Variants in SLC6A18 observed in about 807,000 individuals in gnomAD.
SLC6A18 encodes solute carrier family 6 member 18, also known as inactive sodium-dependent neutral amino acid transporter B(0)AT3.
In SLC6A18, 58 loss-of-function variants were observed where a neutral mutation model predicts 62.9. That is an observed-to-expected ratio of 0.92 (90% confidence interval 0.75 to 1.15). The LOEUF is 1.15. SLC6A18 is among the 50% of genes most tolerant of loss of function. The pLI is 0.00. For missense variants in SLC6A18, 793 were observed against 836.6 expected (o/e 0.95, Z 0.64); for synonymous variants, 382 against 365.8 (o/e 1.04, Z -0.51).
In SLC6A18 at chr5:1,246,066, G is replaced by A. The variant is rs776998937; in HGVS notation, c.1875G>A (p.Thr625=). The change falls in exon 12 of 12, where the codon ACG becomes ACA. Residue 625 remains threonine, a synonymous_variant. Coordinates refer to ENST00000324642, the MANE Select transcript of SLC6A18 (RefSeq NM_182632.3). ...TRPDTDMRPD[T]DMR is the part of the protein sequence containing the mutation. The stretch of plus-strand genomic sequence containing the variant: ...CAGACACGGACATGCGCCCGGACAC[G>A]GACATGCGCTGAAGCCGGCCGGAGC... The A allele has an allele frequency of 9.5e-6, 15 of 1,584,168 alleles. No individual in the cohort carries two copies. The African/African-American group carries it at 1.1e-4, about 11-fold the overall frequency.
In SLC6A18 at chr5:1,243,791, C is replaced by G. The variant is rs979972205; in HGVS notation, c.1336+32C>G. The G allele has an allele frequency of 1.9e-6, 3 of 1,551,478 alleles. No homozygotes were observed. The highest frequency in any genetic ancestry group is 1.8e-5 in the Admixed American group (1 of 55,944). On this transcript the variant is annotated intron_variant, in intron 9 of 11. Coordinates refer to ENST00000324642, the MANE Select transcript of SLC6A18 (RefSeq NM_182632.3). The surrounding 1 kb of genome is among the most constrained non-coding windows in gnomAD (Gnocchi z 6.5). Reference sequence around the variant, plus strand: ...GCACAGCTCCGCCGCCCTGGAGGACCCGTCCCCAGCATCTGACTGTCCACT... The same window carrying G: ...GCACAGCTCCGCCGCCCTGGAGGACGCGTCCCCAGCATCTGACTGTCCACT...
intron 11 of SLC6A18, 127 bp from the exon 12 acceptor site, chr5:1,245,721 G>A: frequency 3.9e-6 from 4 of 1,038,254 alleles, no homozygotes; most frequent in Non-Finnish European, 5.5e-6. Context: ...TGCTCTGGCC[G>A]TGCCTTTTCC....
At chr5:1,228,051 C>T (rs114674839) in intron 1 of SLC6A18, among the ~76,000 whole-genome samples, 5,047 of 152,268 alleles carry the variant, frequency 0.033, 126 homozygotes, top group South Asian at 0.078. Context: ...GATTCTTGCA[C>T]CAAAAACGAC....
At chr5:1,237,808 C>T in intron 4 of SLC6A18, 142 bp from the exon 5 acceptor site, 3 of 646,742 alleles carry the variant, frequency 4.6e-6, no homozygotes, top group Non-Finnish European at 5.5e-6. Context: ...CCAAGGTGCA[C>T]CCCCATCCGT....
chr5:1,236,116 C>T (rs2126534143), intron 4 of SLC6A18, among the ~76,000 whole-genome samples: 1 of 145,222 alleles, frequency 6.9e-6, no homozygotes, highest in Non-Finnish European at 1.5e-5. Flanking sequence ...AGATGTGTTT[C>T]CATGTGCCCC....
At chr5:1,244,396 G>A in intron 10 of SLC6A18, 23 bp downstream of exon 10, 1 of 1,613,320 alleles carries the variant, frequency 6.2e-7, no homozygotes. Context: ...CCCGCCGAGT[G>A]CTCCTCTGGG....
At chr5:1,244,855 C>T (rs1579535586) in intron 11 of SLC6A18, 88 bp downstream of exon 11, 1 of 1,422,354 alleles carries the variant, frequency 7.0e-7, no homozygotes, top group East Asian at 2.3e-5. Context: ...CCCGACGACC[C>T]ATGCGGTGCA....
chr5:1,244,112 C>T (rs957488882), intron 9 of SLC6A18, 102 bp from the exon 10 acceptor site: 34 of 1,028,924 alleles, frequency 3.3e-5, no homozygotes, highest in African/African-American at 4.8e-5. Context: ...TGGCCCTCCC[C>T]GCTGTCCGAG....
chr5:1,226,781 C>T (rs1000708887), intron 1 of SLC6A18, among the ~76,000 whole-genome samples: 3 of 152,132 alleles, frequency 2.0e-5, no homozygotes, highest in Non-Finnish European at 4.4e-5. Context: ...CCCTGGCTCC[C>T]GGGGCCCTCG....
rs750271983 is a variant in SLC6A18, at chr5:1,235,624, T to C, written c.583T>C (p.Tyr195His). 3 of 1,614,012 alleles carry C rather than the reference T, an allele frequency of 1.9e-6. No homozygotes were observed. Among genetic ancestry groups the C allele is most frequent in the Non-Finnish European group, 2.5e-6 (3 of 1,180,022 alleles). The change falls in exon 4 of 12, where the codon TAC becomes CAC. Residue 195 changes from tyrosine to histidine, a missense_variant. Coordinates refer to ENST00000324642, the MANE Select transcript of SLC6A18 (RefSeq NM_182632.3). ...CTTGGCAGCCTCCTGGGCAGTCGTG[T>C]ACATGTGTGTCATCAGGGGCATTGA... is the stretch of plus-strand genomic sequence containing the variant. ...ICLAASWAVV[Y>H]MCVIRGIETT...
rs1255682582 is a variant in SLC6A18, at chr5:1,241,158, C to A, written c.974+499C>A. Reference sequence around the variant, plus strand: ...GTGGTTTTGAGGCACCATTGCTGGTCGTTTGCTGCGGTGGTCCCAGGACCT... The same window carrying A: ...GTGGTTTTGAGGCACCATTGCTGGTAGTTTGCTGCGGTGGTCCCAGGACCT... On this transcript the variant is annotated intron_variant, in intron 7 of 11. Coordinates refer to ENST00000324642, the MANE Select transcript of SLC6A18 (RefSeq NM_182632.3). The surrounding 1 kb of genome is among the most constrained non-coding windows in gnomAD (Gnocchi z 7.8). Among the ~76,000 whole-genome samples, 2 of 152,138 alleles carry A rather than the reference C, an allele frequency of 1.3e-5. No individual in the cohort carries two copies. The highest frequency in any genetic ancestry group is 3.8e-4 in the East Asian group (2 of 5,196).
In SLC6A18 at chr5:1,232,815, G is replaced by C. The variant is rs1746767781; in HGVS notation, c.366G>C (p.Val122=). The C allele has an allele frequency of 1.2e-6, 2 of 1,613,344 alleles. No individual in the cohort carries two copies. Among genetic ancestry groups the C allele is most frequent in the Non-Finnish European group, 1.7e-6 (2 of 1,180,004 alleles). The change falls in exon 3 of 12, where the codon GTG becomes GTC. Residue 122 remains valine, a synonymous_variant. Transcript: ENST00000324642. ...ACTACAACACCATCGTGGCGTGGGTGCTGTGGTACCTCCTCAACTCCTTCC... is the reference window on the plus strand; with the variant it reads ...ACTACAACACCATCGTGGCGTGGGTCCTGTGGTACCTCCTCAACTCCTTCC... The part of the protein sequence containing the change: ...SLYYNTIVAW[V]LWYLLNSFQH...
rs750684936 is a variant in SLC6A18 at position 1,246,041 on chromosome 5, C to CGG, written c.1850_1851insGG (p.Asp618GlufsTer?). 1.6e-4 allele frequency: 256 copies of CGG among 1,591,854 alleles called. 2 individuals carry two copies. The highest frequency in any genetic ancestry group is 1.3e-3 in the South Asian group (119 of 89,518). On this transcript the variant is annotated frameshift_variant, in exon 12 of 12. Coordinates refer to ENST00000324642, the MANE Select transcript of SLC6A18 (RefSeq NM_182632.3). LOFTEE classifies it high-confidence loss of function. ...ATGCGCCCGGACACGGACACGCGCC[C>CGG]AGACACGGACATGCGCCCGGACACG...
intron 5 of SLC6A18, among the ~76,000 whole-genome samples, chr5:1,238,311 A>AGGT: frequency 7.5e-6 from 1 of 132,618 alleles, no homozygotes. Context: ...TGGAGGACTC[A>AGGT]GGAAAGACAT....
At chr5:1,245,517 A>G (rs1221813263) in intron 11 of SLC6A18, among the ~76,000 whole-genome samples, 1 of 152,152 alleles carries the variant, frequency 6.6e-6, no homozygotes, top group Non-Finnish European at 1.5e-5. Context: ...GGTGCCACCC[A>G]GTGTATAGGG....
intron 3 of SLC6A18, among the ~76,000 whole-genome samples, chr5:1,234,173 T>C (rs1746825642): frequency 1.3e-5 from 2 of 152,362 alleles, no homozygotes; most frequent in South Asian, 2.1e-4. Flanking sequence ...TGTGAGCCAC[T>C]GCACTCAACT....
chr5:1,225,960 C>T (rs1356320040), intron 1 of SLC6A18, among the ~76,000 whole-genome samples: 3 of 152,222 alleles, frequency 2.0e-5, no homozygotes, highest in Non-Finnish European at 4.4e-5. Flanking sequence ...ACACACCCTA[C>T]AAACAGTGAG....
Position 1,241,049 on chromosome 5 carries a change from C to T in SLC6A18, c.974+390C>T, listed in dbSNP as rs1021691108. On this transcript the variant is annotated intron_variant, in intron 7 of 11. Transcript: ENST00000324642. The surrounding 1 kb of genome is among the most constrained non-coding windows in gnomAD (Gnocchi z 7.8). The stretch of plus-strand genomic sequence containing the variant: ...GCTGGAAGAGGCGGGAGGAGTCTCC[C>T]GTGCAGGCTCAGGAGGGGCGCGGCC... Among the ~76,000 whole-genome samples, 11 of 152,158 alleles carry T rather than the reference C, an allele frequency of 7.2e-5. No homozygotes were observed. Among genetic ancestry groups the T allele is most frequent in the South Asian group, 2.1e-4 (1 of 4,828 alleles).
rs148220007 is a variant in SLC6A18, at chr5:1,243,612, C to A, written c.1189C>A (p.Pro397Thr). 334 of 1,613,918 alleles carry A rather than the reference C, an allele frequency of 2.1e-4. No individual in the cohort carries two copies. The Middle Eastern group carries it at 3.1e-3, about 15-fold the overall frequency. The part of the protein sequence containing the change: ...VVFTETDLHM[P>T]GAPVWAMLFF... ...CTTCACGGAGACCGACCTCCACATG[C>A]CGGGGGCTCCTGTGTGGGCCATGCT... Residue 397 changes from proline (P) to threonine (T), a missense_variant, in exon 9 of 12, where the codon CCG (proline) becomes ACG (threonine). Pro to Thr is a conservative substitution (Grantham distance 38, BLOSUM62 -1). Coordinates refer to ENST00000324642, the MANE Select transcript of SLC6A18 (RefSeq NM_182632.3). The surrounding 1 kb of genome is among the most constrained non-coding windows in gnomAD (Gnocchi z 6.5).
Sources: gnomAD v4.1 joint callset for allele counts (sites outside exome capture counted in the v4.1 genomes callset) on GRCh38, gnomAD v4.1.1 for gene constraint, Gnocchi (gnomAD v3.1) non-coding constraint, MANE v1.5 for transcripts, NCBI Gene and HGNC (gene_info 2026-07-23, HGNC 2026-07-21) for gene names.